The following SEM1 variants were observed in gnomAD, a reference collection of about 807,000 sequenced individuals.
The protein encoded by SEM1 is SEM1 26S proteasome subunit, also known as 26S proteasome complex subunit SEM1.
In SEM1, 3 loss-of-function variants were observed where a neutral mutation model predicts 12.7. That is an observed-to-expected ratio of 0.24 (90% CI 0.11 to 0.61). SEM1 has a LOEUF of 0.61. Among genes scored for constraint, SEM1 ranks in the 20% least tolerant of loss-of-function variants. SEM1 has a pLI of 0.88. For missense variants in SEM1, 59 were observed against 81.3 expected (o/e 0.73, Z 1.06); for synonymous variants, 30 against 27.8 (o/e 1.08, Z -0.25).
intron 2 of SEM1, among the ~76,000 whole-genome samples, chr7:96,592,999 TA>T (rs1554421689): frequency 0.035 from 4,419 of 127,976 alleles, 120 homozygotes; most frequent in African/African-American, 0.057. Context: ...TCTCCCATAT[TA>T]AAAAAAAAAA....
chr7:96,680,115 G>C (rs778906140), intron 2 of SEM1, among the ~76,000 whole-genome samples: 1 of 152,038 alleles, frequency 6.6e-6, no homozygotes, highest in Non-Finnish European at 1.5e-5. Context: ...CCCTAGGACA[G>C]GATAACTCTA....
At chr7:96,631,420 C>T (rs1808256404) in intron 2 of SEM1, among the ~76,000 whole-genome samples, 1 of 152,094 alleles carries the variant, frequency 6.6e-6, no homozygotes, top group Non-Finnish European at 1.5e-5. Context: ...CTCAGTGCCT[C>T]ATAATTACTG....
intron 2 of SEM1, among the ~76,000 whole-genome samples, chr7:96,535,228 A>G (rs1804751585): frequency 6.6e-6 from 1 of 151,970 alleles, no homozygotes; most frequent in Non-Finnish European, 1.5e-5. Flanking sequence ...TTTGCATTAA[A>G]TAAACTAAGA....
At chr7:96,662,439 T>C (rs979409599) in intron 2 of SEM1, among the ~76,000 whole-genome samples, 1 of 152,116 alleles carries the variant, frequency 6.6e-6, no homozygotes, top group South Asian at 2.1e-4. Context: ...AAACACCGCA[T>C]GCTCTCACTC....
At chr7:96,616,402 T>C (rs927700355) in intron 2 of SEM1, among the ~76,000 whole-genome samples, 1 of 152,122 alleles carries the variant, frequency 6.6e-6, no homozygotes, top group East Asian at 1.9e-4. Flanking sequence ...TCAGTGTTTG[T>C]TTTTTTGATG....
intron 2 of SEM1, among the ~76,000 whole-genome samples, chr7:96,623,600 G>A (rs1170753935): frequency 6.8e-6 from 1 of 147,684 alleles, no homozygotes; most frequent in Non-Finnish European, 1.5e-5. Flanking sequence ...ATATATACTT[G>A]TTTATATAAA....
upstream of SEM1, among the ~76,000 whole-genome samples, chr7:96,500,987 T>A (rs1229688517): frequency 2.6e-5 from 4 of 151,164 alleles, no homozygotes; most frequent in Admixed American, 6.6e-5. Context: ...AAAGTCTGCC[T>A]CTTATTATGA....
At chr7:96,647,520 C>T (rs1314751020) in intron 2 of SEM1, 1 of 152,034 alleles carries the variant, frequency 6.6e-6, no homozygotes, top group Non-Finnish European at 1.5e-5. Context: ...AGAACATGGC[C>T]GTTTTCTTTT....
At chr7:96,496,123 C>T (rs1350743637) in intron 1 of SEM1, among the ~76,000 whole-genome samples, 2 of 152,132 alleles carry the variant, frequency 1.3e-5, no homozygotes, top group African/African-American at 4.8e-5. Context: ...ATAGCAAAAG[C>T]ATCAGAATAC....
intron 2 of SEM1, among the ~76,000 whole-genome samples, chr7:96,646,483 A>T (rs1257939949): frequency 6.6e-6 from 1 of 152,128 alleles, no homozygotes; most frequent in Non-Finnish European, 1.5e-5. Context: ...TATTTTAGTT[A>T]TCCTATATAT....
chr7:96,688,828 A>G lies in SEM1; in HGVS notation c.*96T>C, dbSNP rs773963168. The G allele has an allele frequency of 1.0e-4, 74 of 730,560 alleles. No homozygotes were observed. The highest frequency in any genetic ancestry group is 1.5e-4 in the Non-Finnish European group (63 of 416,120). 45.3% of individuals were successfully genotyped at this position (730,560 alleles called of 1,614,324 possible). ...ACAAATAAATCCAAGCAGATAATGA[A>G]ATAAACACATTTTTTTAGTGTCCCA... is the stretch of plus-strand genomic sequence containing the variant. On this transcript the variant is annotated 3_prime_UTR_variant, in exon 3 of 3. Coordinates refer to ENST00000248566, the MANE Select transcript of SEM1 (RefSeq NM_006304.2).
intron 1 of SEM1, among the ~76,000 whole-genome samples, chr7:96,491,706 T>C (rs1291180282): frequency 1.3e-5 from 2 of 152,202 alleles, no homozygotes; most frequent in African/African-American, 4.8e-5. Flanking sequence ...ATCTTTGCTC[T>C]CTGACAGCTG....
In SEM1 at chr7:96,533,324, T is replaced by C. The variant is rs1013054807; in HGVS notation, c.171-26626A>G. 3.9e-5 allele frequency among the ~76,000 whole-genome samples: 6 copies of C among 152,002 alleles called. No homozygotes were observed. In the East Asian group the frequency reaches 1.2e-3, roughly 29 times the overall value. On this transcript the variant is annotated intron_variant and NMD_transcript_variant, in intron 2 of 3. Transcript: ENST00000466986. ...TTCCCACATTCCCCCTAAAAAGCAA[T>C]TTTCTCCTCCCACCGTCTCCATCAA...
At chr7:96,542,993 CT>C (rs1805001716) in intron 2 of SEM1, among the ~76,000 whole-genome samples, 1 of 151,858 alleles carries the variant, frequency 6.6e-6, no homozygotes, top group Non-Finnish European at 1.5e-5. Context: ...TGTTATATAG[CT>C]TTTGAAAATT....
rs548708398 is a variant in SEM1 at position 96,691,062 on chromosome 7, C to T, written c.171-2096G>A. On this transcript the variant is annotated intron_variant, in intron 2 of 2. Transcript: ENST00000248566. ...CTGGGGTTACAGGTGTGAGCCACTG[C>T]GCCTGGCCTATACTGGCTTCTTAGA... Among the ~76,000 whole-genome samples, 69 of 152,248 alleles carry T rather than the reference C, an allele frequency of 4.5e-4. 1 individual carries two copies. Among genetic ancestry groups the T allele is most frequent in the East Asian group, 3.7e-3 (19 of 5,168 alleles).
chr7:96,563,568 G>A (rs1235533969), intron 2 of SEM1, among the ~76,000 whole-genome samples: 1 of 152,090 alleles, frequency 6.6e-6, no homozygotes, highest in Non-Finnish European at 1.5e-5. Flanking sequence ...GTCGATGTTT[G>A]TTAAAACTAG....
At chr7:96,653,139 G>C (rs1168431701) in intron 2 of SEM1, among the ~76,000 whole-genome samples, 3 of 152,170 alleles carry the variant, frequency 2.0e-5, no homozygotes, top group Admixed American at 6.5e-5. Context: ...TCACACAATA[G>C]TAAATGGTAA....
intron 2 of SEM1, among the ~76,000 whole-genome samples, chr7:96,544,511 T>C (rs963392151): frequency 1.3e-5 from 2 of 152,038 alleles, no homozygotes; most frequent in African/African-American, 2.4e-5. Flanking sequence ...TAGTATTGAT[T>C]ATTCTCTTAC....
intron 1 of SEM1, among the ~76,000 whole-genome samples, chr7:96,492,258 A>T (rs981232109): frequency 1.3e-5 from 2 of 152,076 alleles, no homozygotes; most frequent in African/African-American, 4.8e-5. Context: ...ACCCCTGATA[A>T]ACTCCATCTA....
Sources: gnomAD v4.1 joint callset for allele counts (sites outside exome capture counted in the v4.1 genomes callset) on GRCh38, gnomAD v4.1.1 for gene constraint, MANE v1.5 for transcripts, NCBI Gene and HGNC (gene_info 2026-07-23, HGNC 2026-07-21) for gene names.